Variants in SLC24A2 observed in about 807,000 individuals in gnomAD.
SLC24A2 encodes the protein solute carrier family 24 member 2, also known as sodium/potassium/calcium exchanger 2.
A neutral mutation model predicts 62.0 loss-of-function variants in SLC24A2; 36 were observed. The ratio of observed to expected loss-of-function variants is 0.58; its 90% CI spans 0.44 to 0.77. SLC24A2 has a LOEUF of 0.77. Among genes scored for constraint, SLC24A2 ranks in the 30% least tolerant of loss-of-function variants. SLC24A2 has a pLI of 0.00. For synonymous variants in SLC24A2, 358 were observed against 294.0 expected (o/e 1.22, Z -2.23); for missense variants, 846 against 817.9 (o/e 1.03, Z -0.42).
chr9:19,521,494 C>T (rs1833197827), intron 9 of SLC24A2, among the ~76,000 whole-genome samples: 1 of 152,196 alleles, frequency 6.6e-6, no homozygotes, highest in East Asian at 1.9e-4. Flanking sequence ...GGTCTCCATT[C>T]TCCTTTAGCA....
At chr9:20,136,954 T>C in the SLC24A2 span, among the ~76,000 whole-genome samples, 1 of 152,094 alleles carries the variant, frequency 6.6e-6, no homozygotes, top group African/African-American at 2.4e-5. Context: ...TGAGTATGAC[T>C]AGCAAAAAGG....
chr9:19,862,475 T>C, the SLC24A2 span, among the ~76,000 whole-genome samples: 1 of 152,216 alleles, frequency 6.6e-6, no homozygotes, highest in Non-Finnish European at 1.5e-5. Flanking sequence ...AGGATGTTAG[T>C]GAGCAATAAG....
At chr9:19,538,741 C>T (rs1321433894) in intron 8 of SLC24A2, among the ~76,000 whole-genome samples, 3 of 132,292 alleles carry the variant, frequency 2.3e-5, no homozygotes, top group Admixed American at 7.8e-5. Context: ...GGAGGATTCC[C>T]TCTTTTTCTA....
chr9:20,019,142 A>AG, the SLC24A2 span, among the ~76,000 whole-genome samples: 1 of 131,122 alleles, frequency 7.6e-6, no homozygotes, highest in Non-Finnish European at 1.6e-5. Context: ...AGAAAGAAAG[A>AG]AAGAAAGAAA....
chr9:19,680,239 A>C (rs1340115258), intron 2 of SLC24A2, among the ~76,000 whole-genome samples: 1 of 152,124 alleles, frequency 6.6e-6, no homozygotes, highest in East Asian at 1.9e-4. Flanking sequence ...CTAACAGAAG[A>C]GGTGTCCCTT....
At chr9:19,625,650 T>G (rs1818014426) in intron 2 of SLC24A2, among the ~76,000 whole-genome samples, 1 of 152,012 alleles carries the variant, frequency 6.6e-6, no homozygotes, top group African/African-American at 2.4e-5. Flanking sequence ...TAATCTCTAT[T>G]GTCCTTCCTG....
the SLC24A2 span, among the ~76,000 whole-genome samples, chr9:20,087,333 C>G: frequency 6.6e-6 from 1 of 152,142 alleles, no homozygotes; most frequent in Non-Finnish European, 1.5e-5. Context: ...GGAATGTTTA[C>G]ATAAGAATAG....
the SLC24A2 span, among the ~76,000 whole-genome samples, chr9:19,860,485 A>G: frequency 6.6e-6 from 1 of 152,276 alleles, no homozygotes; most frequent in South Asian, 2.1e-4. Context: ...CTGAGACTTG[A>G]TGGGTTCAGG....
At chr9:19,739,625 G>C (rs1821614275) in intron 2 of SLC24A2, among the ~76,000 whole-genome samples, 1 of 152,122 alleles carries the variant, frequency 6.6e-6, no homozygotes, top group African/African-American at 2.4e-5. Context: ...GGGAAGAAAA[G>C]AATTTCACCC....
the SLC24A2 span, among the ~76,000 whole-genome samples, chr9:20,109,491 T>C: frequency 6.6e-6 from 1 of 152,190 alleles, no homozygotes; most frequent in Non-Finnish European, 1.5e-5. Flanking sequence ...CTTTAGTATA[T>C]GCTAAGTAGA....
chr9:20,104,899 T>G, the SLC24A2 span, among the ~76,000 whole-genome samples: 2,154 of 152,212 alleles, frequency 0.014, 27 homozygotes, highest in Non-Finnish European at 0.023. Flanking sequence ...AAAGACACAC[T>G]GGCAAACTGG....
chr9:19,868,335 A>G, the SLC24A2 span, among the ~76,000 whole-genome samples: 1 of 152,188 alleles, frequency 6.6e-6, no homozygotes, highest in African/African-American at 2.4e-5. Flanking sequence ...ATTTGTGAAC[A>G]TACTTTTTAT....
chr9:19,788,833 C>G (rs1823257894), intron 1 of SLC24A2, 52 bp downstream of exon 1: 2 of 985,338 alleles, frequency 2.0e-6, no homozygotes, highest in South Asian at 9.4e-5. Flanking sequence ...GATGCGGGGA[C>G]GACCGCCACA....
the SLC24A2 span, among the ~76,000 whole-genome samples, chr9:20,066,200 T>C: frequency 1.3e-5 from 2 of 152,176 alleles, no homozygotes; most frequent in Non-Finnish European, 2.9e-5. Context: ...AATGTTCCAG[T>C]TGATTCAACA....
At chr9:19,780,894 G>C (rs201420754) in intron 2 of SLC24A2, among the ~76,000 whole-genome samples, 1 of 124,008 alleles carries the variant, frequency 8.1e-6, no homozygotes, top group East Asian at 2.3e-4. Flanking sequence ...AAAAAAAAAA[G>C]AGTGTATACA....
the SLC24A2 span, among the ~76,000 whole-genome samples, chr9:20,068,540 A>G: frequency 6.6e-6 from 1 of 152,058 alleles, no homozygotes; most frequent in Non-Finnish European, 1.5e-5. Context: ...AAAACTCTAA[A>G]ACTCTTGCCT....
At chr9:20,080,612 C>A in the SLC24A2 span, among the ~76,000 whole-genome samples, 4 of 152,062 alleles carry the variant, frequency 2.6e-5, no homozygotes, top group South Asian at 2.1e-4. Flanking sequence ...GCAACAAAAG[C>A]CAAAATTGAC....
rs1832699725 is a variant in SLC24A2 at position 19,511,110 on chromosome 9, C to T, written c.*5043G>A. The T allele has an allele frequency of 6.6e-6, 1 of 152,128 alleles. No homozygotes were observed. The highest frequency in any genetic ancestry group is 6.5e-5 in the Admixed American group (1 of 15,274). 9.4% of individuals were successfully genotyped at this position (152,128 alleles called of 1,614,324 possible). ...TGATTTCTACAGACGACTACATGCT[C>T]CGGGTGATTACATGCCACAACCTGC... On this transcript the variant is annotated 3_prime_UTR_variant, in exon 11 of 11. Coordinates refer to ENST00000341998, the MANE Select transcript of SLC24A2 (RefSeq NM_020344.4).
At chr9:19,879,351 C>T in the SLC24A2 span, among the ~76,000 whole-genome samples, 10,609 of 151,978 alleles carry the variant, frequency 0.07, 491 homozygotes, top group African/African-American at 0.13. Flanking sequence ...GAGTGCTGTA[C>T]GGGTGAATCA....
Sources: allele counts gnomAD v4.1 joint callset (sites outside exome capture counted in the v4.1 genomes callset), GRCh38; gene constraint gnomAD v4.1.1; transcripts MANE v1.5; gene names NCBI Gene and HGNC (gene_info 2026-07-23, HGNC 2026-07-21).